MDGA2: variants seen among roughly 807,000 people sequenced by gnomAD.
The protein encoded by MDGA2 is MAM domain-containing glycosylphosphatidylinositol anchor protein 2.
Under a neutral mutation model 117.8 loss-of-function variants are expected in MDGA2, and 40 were observed. The ratio of observed to expected loss-of-function variants is 0.34; its 90% confidence interval spans 0.26 to 0.44. The LOEUF is 0.44. Ranked by LOEUF, MDGA2 falls within the 20% of genes least tolerant of loss-of-function variation. The pLI is 1.00. For synonymous variants in MDGA2, 452 were observed against 439.0 expected (o/e 1.03, Z -0.37); for missense variants, 1,123 against 1,250.6 (o/e 0.90, Z 1.54).
intron 7 of MDGA2, among the ~76,000 whole-genome samples, chr14:47,054,148 G>T (rs932037324): frequency 2.0e-5 from 3 of 151,790 alleles, no homozygotes; most frequent in Non-Finnish European, 4.4e-5. Context: ...CTGAATAAAT[G>T]GTACCCTTCA....
intron 1 of MDGA2, among the ~76,000 whole-genome samples, chr14:47,548,147 T>C: frequency 6.6e-6 from 1 of 152,220 alleles, no homozygotes; most frequent in East Asian, 1.9e-4. Context: ...GCGTTCTTTA[T>C]TACTTCATGT....
At chr14:47,574,389 C>T (rs999236119) in intron 1 of MDGA2, among the ~76,000 whole-genome samples, 9 of 152,290 alleles carry the variant, frequency 5.9e-5, no homozygotes, top group South Asian at 4.1e-4. Context: ...GGCCCAGCAA[C>T]GGAACTTTCA....
At chr14:47,629,661 T>C (rs1299875053) in intron 1 of MDGA2, among the ~76,000 whole-genome samples, 13 of 152,236 alleles carry the variant, frequency 8.5e-5, no homozygotes, top group Admixed American at 8.5e-4. Context: ...TGCAGCCGAC[T>C]AGCTAAAATG....
chr14:46,872,983 T>C (rs1244308278), intron 14 of MDGA2, among the ~76,000 whole-genome samples: 1 of 137,052 alleles, frequency 7.3e-6, no homozygotes, highest in African/African-American at 2.6e-5. Flanking sequence ...TTTGGCATAC[T>C]TTAAAAACAT....
intron 2 of MDGA2, among the ~76,000 whole-genome samples, chr14:47,290,028 T>C (rs1042048456): frequency 1.3e-4 from 20 of 152,200 alleles, no homozygotes; most frequent in South Asian, 4.1e-4. Context: ...CAAAATTCCT[T>C]GTGCATGAAC....
rs150312802 is a variant in MDGA2 at position 47,568,995 on chromosome 14, G to A, written c.280+105522C>T. ...GAGTCTCAGTATGTTGCCCAGGCTGGTTTTGAACTTACTATCACATTTATT... is the reference window on the plus strand; with the variant it reads ...GAGTCTCAGTATGTTGCCCAGGCTGATTTTGAACTTACTATCACATTTATT... On this transcript the variant is annotated intron_variant, in intron 1 of 16. Transcript: ENST00000399232. 5.3e-3 allele frequency among the ~76,000 whole-genome samples: 808 copies of A among 151,386 alleles called. 7 individuals carry two copies. Among genetic ancestry groups the A allele is most frequent in the African/African-American group, 0.018 (760 of 41,272 alleles).
At chr14:47,134,777 C>CTATATATA (rs146851138) in intron 4 of MDGA2, among the ~76,000 whole-genome samples, 14,257 of 145,662 alleles carry the variant, frequency 0.098, 755 homozygotes, top group Admixed American at 0.1. Flanking sequence ...CACACACACA[C>CTATATATA]TATATATATA....
At chr14:47,371,346 A>T (rs1453383870) in intron 1 of MDGA2, among the ~76,000 whole-genome samples, 1 of 151,860 alleles carries the variant, frequency 6.6e-6, no homozygotes, top group Non-Finnish European at 1.5e-5. Context: ...TTAAAGTCTC[A>T]AATACAGACT....
At chr14:47,463,944 T>C (rs1458814843) in intron 1 of MDGA2, among the ~76,000 whole-genome samples, 1 of 152,170 alleles carries the variant, frequency 6.6e-6, no homozygotes. Flanking sequence ...CACAGTATAA[T>C]TAATGGCCAA....
intron 1 of MDGA2, among the ~76,000 whole-genome samples, chr14:47,362,893 G>A (rs141086472): frequency 9.9e-5 from 15 of 152,240 alleles, no homozygotes; most frequent in African/African-American, 3.1e-4. Context: ...ATCTCATTCC[G>A]TAGGAGCACT....
At chr14:47,557,874 C>T (rs1895714352) in intron 1 of MDGA2, among the ~76,000 whole-genome samples, 1 of 152,136 alleles carries the variant, frequency 6.6e-6, no homozygotes, top group Non-Finnish European at 1.5e-5. Flanking sequence ...ATTCAAAACT[C>T]ACCTCTCCAC....
intron 1 of MDGA2, among the ~76,000 whole-genome samples, chr14:47,406,942 A>G (rs1292777630): frequency 6.6e-6 from 1 of 152,080 alleles, no homozygotes; most frequent in East Asian, 1.9e-4. Context: ...ATACTATGCT[A>G]TGTACAGTAT....
At chr14:47,380,307 AG>A (rs1453761977) in intron 1 of MDGA2, among the ~76,000 whole-genome samples, 20 of 152,302 alleles carry the variant, frequency 1.3e-4, no homozygotes, top group Middle Eastern at 3.4e-3. Context: ...CACAATTAAA[AG>A]AACTACAAAA....
chr14:47,480,468 G>A (rs1420508698), intron 1 of MDGA2, among the ~76,000 whole-genome samples: 1 of 151,822 alleles, frequency 6.6e-6, no homozygotes, highest in Non-Finnish European at 1.5e-5. Flanking sequence ...GTTCCCAATT[G>A]CTTTTATGAC....
At chr14:47,390,658 G>A (rs972056961) in intron 1 of MDGA2, among the ~76,000 whole-genome samples, 13 of 152,096 alleles carry the variant, frequency 8.5e-5, no homozygotes, top group Admixed American at 3.9e-4. Context: ...TTCTATCTTC[G>A]CAATCTCTTT....
chr14:47,315,818 C>T (rs1384698917), intron 1 of MDGA2, among the ~76,000 whole-genome samples: 3 of 151,226 alleles, frequency 2.0e-5, no homozygotes, highest in Non-Finnish European at 4.4e-5. Flanking sequence ...GTAACTAAAA[C>T]AGTCAAAATT....
At chr14:47,118,964 C>A (rs1313561629) in intron 5 of MDGA2, among the ~76,000 whole-genome samples, 1 of 152,112 alleles carries the variant, frequency 6.6e-6, no homozygotes, top group Non-Finnish European at 1.5e-5. Flanking sequence ...TCTCAAACTC[C>A]CAGCCTTGAG....
chr14:46,941,600 T>C (rs1159132140), intron 9 of MDGA2, among the ~76,000 whole-genome samples: 1 of 152,172 alleles, frequency 6.6e-6, no homozygotes, highest in Non-Finnish European at 1.5e-5. Context: ...AACTAAAAAG[T>C]TCTGTGATTC....
chr14:47,018,570 AAATTAT>A (rs1022243175), intron 8 of MDGA2, among the ~76,000 whole-genome samples: 5 of 151,952 alleles, frequency 3.3e-5, no homozygotes, highest in Admixed American at 6.6e-5. Flanking sequence ...TGTGAGGGGA[AAATTAT>A]AATTGCTAAA....
Sources: allele counts gnomAD v4.1 joint callset (sites outside exome capture counted in the v4.1 genomes callset), GRCh38; gene constraint gnomAD v4.1.1; transcripts MANE v1.5; gene names NCBI Gene and HGNC (gene_info 2026-07-23, HGNC 2026-07-21).